Variants in CLTCL1 observed in about 807,000 individuals in gnomAD.
CLTCL1 encodes clathrin heavy chain like 1.
Under a neutral mutation model 190.0 loss-of-function variants are expected in CLTCL1, and 159 were observed. That is an observed-to-expected ratio of 0.84 (90% CI 0.74 to 0.95). The LOEUF (loss-of-function observed/expected upper bound fraction) is 0.95. Among genes scored for constraint, CLTCL1 ranks in the 40% least tolerant of loss-of-function variants. The pLI is 0.00. For missense variants in CLTCL1, 1,878 were observed against 2,033.4 expected (o/e 0.92, Z 1.47); for synonymous variants, 752 against 769.6 (o/e 0.98, Z 0.38).
At chr22:19,271,150 T>A (rs1011635783) in intron 2 of CLTCL1, among the ~76,000 whole-genome samples, 2 of 152,148 alleles carry the variant, frequency 1.3e-5, no homozygotes, top group African/African-American at 2.4e-5. Context: ...CTATACTCCA[T>A]CTACTTCTAA....
chr22:19,263,610 AG>A (rs1182417217), intron 2 of CLTCL1, among the ~76,000 whole-genome samples: 2 of 151,988 alleles, frequency 1.3e-5, no homozygotes, highest in Non-Finnish European at 2.9e-5. Context: ...TAGTAGAGAC[AG>A]GGTTTCACTG....
chr22:19,210,711 A>G (rs2085192883), intron 19 of CLTCL1, among the ~76,000 whole-genome samples: 2 of 152,216 alleles, frequency 1.3e-5, no homozygotes, highest in Non-Finnish European at 2.9e-5. Context: ...GTCTTGGGAA[A>G]GCACAGGTAA....
At chr22:19,205,930 T>TG (rs1276156828) in intron 22 of CLTCL1, among the ~76,000 whole-genome samples, 1 of 17,004 alleles carries the variant, frequency 5.9e-5, no homozygotes. Context: ...CCAACCATTG[T>TG]TTTTTTTTTT....
chr22:19,255,156 G>A (rs1555971899), intron 2 of CLTCL1, among the ~76,000 whole-genome samples: 8 of 152,286 alleles, frequency 5.3e-5, no homozygotes, highest in Non-Finnish European at 2.9e-5. Context: ...TTAACTCACA[G>A]ACAACATAAT....
intron 1 of CLTCL1, among the ~76,000 whole-genome samples, chr22:19,285,167 C>T (rs7286538): frequency 0.18 from 27,464 of 149,332 alleles, 2,660 homozygotes; most frequent in East Asian, 0.39. Context: ...CCCAGCTACT[C>T]GGGAGGCTGA....
rs572716445 is a variant in CLTCL1 at position 19,247,042 on chromosome 22, T to C, written c.520-4106A>G. ...TTAATTTTGTTGTTCAGGCTTTTGG[T>C]GCTATTATATATCTAAGAATCCATG... On this transcript the variant is annotated intron_variant, in intron 3 of 32. Coordinates refer to ENST00000427926, the MANE Select transcript of CLTCL1 (RefSeq NM_007098.4). Among the ~76,000 whole-genome samples, 13 of 152,356 alleles carry C rather than the reference T, an allele frequency of 8.5e-5. No individual in the cohort carries two copies. In the South Asian group the frequency reaches 2.3e-3, roughly 27 times the overall value.
Position 19,235,645 on chromosome 22 carries a change from C to T in CLTCL1, c.969+51G>A, listed in dbSNP as rs1191218842. 19 of 1,552,492 alleles carry T rather than the reference C, an allele frequency of 1.2e-5. No individual in the cohort carries two copies. In the South Asian group the frequency reaches 1.6e-4, roughly 13 times the overall value. Reference sequence around the variant, plus strand: ...TAGAGAAGGGGGAAAGTTTAAACGCCAGTCCCTAATGAATGGAAAAGGTAG... The same window carrying T: ...TAGAGAAGGGGGAAAGTTTAAACGCTAGTCCCTAATGAATGGAAAAGGTAG... On this transcript the variant is annotated intron_variant, in intron 6 of 32. Coordinates refer to ENST00000427926, the MANE Select transcript of CLTCL1 (RefSeq NM_007098.4).
At chr22:19,272,169 C>A (rs1275112909) in intron 2 of CLTCL1, among the ~76,000 whole-genome samples, 3 of 152,094 alleles carry the variant, frequency 2.0e-5, no homozygotes, top group Non-Finnish European at 4.4e-5. Flanking sequence ...TTTGCCAATC[C>A]CTCAGTTAAG....
At chr22:19,288,018 A>G (rs969588640) in intron 1 of CLTCL1, among the ~76,000 whole-genome samples, 14 of 152,170 alleles carry the variant, frequency 9.2e-5, no homozygotes, top group Admixed American at 9.2e-4. Context: ...TAAGTTTTAA[A>G]TTGCATACCA....
chr22:19,216,424 A>G (rs2085387252), intron 18 of CLTCL1, among the ~76,000 whole-genome samples, 168 bp from the exon 19 acceptor site: 1 of 152,234 alleles, frequency 6.6e-6, no homozygotes, highest in Non-Finnish European at 1.5e-5. Context: ...TAATTTCAGG[A>G]AATTCTGTTT....
intron 26 of CLTCL1, among the ~76,000 whole-genome samples, chr22:19,192,682 G>T (rs1315323020): frequency 2.0e-5 from 3 of 152,218 alleles, no homozygotes; most frequent in Non-Finnish European, 2.9e-5. Context: ...CCACTTCAGG[G>T]TGTCTTCTTT....
intron 29 of CLTCL1, chr22:19,184,844 C>G (rs2084260088): frequency 3.1e-6 from 1 of 325,248 alleles, no homozygotes; most frequent in African/African-American, 2.2e-5. Flanking sequence ...TCTCCCACAC[C>G]CTCCTCTCTC....
intron 5 of CLTCL1, among the ~76,000 whole-genome samples, chr22:19,237,124 T>A (rs1234740173): frequency 6.6e-6 from 1 of 151,994 alleles, no homozygotes; most frequent in Non-Finnish European, 1.5e-5. Context: ...GGAAAAATAT[T>A]CAAAATACAT....
intron 1 of CLTCL1, among the ~76,000 whole-genome samples, chr22:19,283,915 C>T (rs879963473): frequency 2.6e-5 from 4 of 151,282 alleles, no homozygotes; most frequent in Middle Eastern, 3.2e-3. Context: ...TCGCTTGAAA[C>T]CAGGAGGCAG....
chr22:19,191,675 C>A (rs186842943), intron 26 of CLTCL1, among the ~76,000 whole-genome samples: 3 of 152,252 alleles, frequency 2.0e-5, no homozygotes, highest in Admixed American at 2.0e-4. Context: ...CAACCCAGCA[C>A]CTAGACCAGT....
Position 19,201,446 on chromosome 22 carries a change from C to G in CLTCL1, c.3648G>C (p.Leu1216=). 6.2e-7 allele frequency: 1 copy of G among 1,613,888 alleles called. No individual in the cohort carries two copies. Among genetic ancestry groups the G allele is most frequent in the Non-Finnish European group, 8.5e-7 (1 of 1,179,796 alleles). Residue 1216 remains leucine, a synonymous_variant, in exon 23 of 33, where the codon CTG becomes CTC. Coordinates refer to ENST00000427926, the MANE Select transcript of CLTCL1 (RefSeq NM_007098.4). ...CAAAGTTAGAAACATTGCTATAGAG[C>G]AGCTTGGCAGCCTCGTACATTCCCT... ...YEEGMYEAAK[L]LYSNVSNFAR...
chr22:19,258,755 G>A (rs1450312828), intron 2 of CLTCL1: 10 of 693,824 alleles, frequency 1.4e-5, no homozygotes, highest in Non-Finnish European at 2.7e-5. Flanking sequence ...GCAGGATAGT[G>A]GACGGCAAAG....
At chr22:19,211,716 G>A (rs1343690741) in intron 19 of CLTCL1, among the ~76,000 whole-genome samples, 1 of 148,102 alleles carries the variant, frequency 6.8e-6, no homozygotes, top group Non-Finnish European at 1.5e-5. Flanking sequence ...GCAGTGAGCT[G>A]AGATTGCGCC....
chr22:19,235,922 G>C, intron 5 of CLTCL1, 53 bp from the exon 6 acceptor site: 4 of 1,455,870 alleles, frequency 2.7e-6, no homozygotes, highest in Non-Finnish European at 3.8e-6. Flanking sequence ...GAAGCCATGC[G>C]GGTAAAAAGA....
Sources: gnomAD v4.1 joint callset for allele counts (sites outside exome capture counted in the v4.1 genomes callset) on GRCh38, gnomAD v4.1.1 for gene constraint, MANE v1.5 for transcripts, NCBI Gene and HGNC (gene_info 2026-07-23, HGNC 2026-07-21) for gene names.